ADAMTS18: variants seen among roughly 807,000 people sequenced by gnomAD.
ADAMTS18 encodes A disintegrin and metalloproteinase with thrombospondin motifs 18.
ADAMTS18 carries 157 observed loss-of-function variants against 165.9 expected under a neutral mutation model. The observed-to-expected ratio is 0.95, with a 90% CI of 0.83 to 1.08. The LOEUF (loss-of-function observed/expected upper bound fraction) is 1.08, where lower values mean the gene tolerates loss of function less well. ADAMTS18 is among the 50% of genes least tolerant of loss of function. The probability of loss-of-function intolerance (pLI) is 0.00; values close to 1 mark genes in which losing one functional copy is unlikely to be tolerated. For missense variants in ADAMTS18, 2,040 were observed against 1,534.0 expected, an observed-to-expected ratio of 1.33 and a Z score of -5.51; for synonymous variants, 782 against 578.2, an observed-to-expected ratio of 1.35 and a Z score of -5.06.
In ADAMTS18 at chr16:77,400,408, C is replaced by T. The variant is rs8047924; in HGVS notation, c.495+30887G>A. Among the ~76,000 whole-genome samples, 1,312 of 148,854 alleles carry T rather than the reference C, an allele frequency of 8.8e-3. 15 individuals are homozygous for T. Among genetic ancestry groups the T allele is most frequent in the African/African-American group, 0.031 (1,238 of 39,814 alleles). On this transcript the variant is annotated intron_variant, in intron 3 of 22. Coordinates refer to ENST00000282849, the MANE Select transcript of ADAMTS18 (RefSeq NM_199355.4). ...ATGGAGGGTAGAACCCAGTGAACATCCTATTTCAGGGGGAATTGTGTGTGT... is the reference window on the plus strand; with the variant it reads ...ATGGAGGGTAGAACCCAGTGAACATTCTATTTCAGGGGGAATTGTGTGTGT...
chr16:77,320,336 T>C (rs2055972959), intron 15 of ADAMTS18, among the ~76,000 whole-genome samples: 1 of 152,052 alleles, frequency 6.6e-6, no homozygotes, highest in African/African-American at 2.4e-5. Context: ...GGAGAACAAA[T>C]ACACTCTTCT....
chr16:77,395,774 G>C (rs1244619925), intron 3 of ADAMTS18, among the ~76,000 whole-genome samples: 2 of 152,086 alleles, frequency 1.3e-5, no homozygotes, highest in Admixed American at 6.6e-5. Context: ...TGAAAGGATG[G>C]AAATAGACAA....
At position 77,285,463 on chromosome 16, in the gene ADAMTS18, C is replaced by T. The variant is rs565250241; in HGVS notation, c.3551-1392G>A. Among the ~76,000 whole-genome samples the T allele has an allele frequency of 3.0e-5, 4 of 135,332 alleles. No individual in the cohort carries two copies. In the South Asian group the frequency reaches 9.0e-4, roughly 30 times the overall value. The allele number at this position is 135,332 out of a possible 152,430, so 88.8% of individuals were successfully genotyped here. On this transcript the variant is annotated intron_variant, in intron 22 of 22. Coordinates refer to ENST00000282849, the MANE Select transcript of ADAMTS18 (RefSeq NM_199355.4). ...GCTGGAATTACAGGTGTGAGGCACA[C>T]CCCCGGCCATTTTACTGTATTTTTA...
intron 17 of ADAMTS18, 124 bp from the exon 18 acceptor site, chr16:77,297,539 T>C: frequency 1.0e-6 from 1 of 990,148 alleles, no homozygotes; most frequent in Non-Finnish European, 1.5e-6. Flanking sequence ...CCAAATATTT[T>C]GTGGAACGCT....
chr16:77,296,140 C>A (rs1001746699), intron 18 of ADAMTS18, among the ~76,000 whole-genome samples: 5 of 152,104 alleles, frequency 3.3e-5, no homozygotes, highest in African/African-American at 7.2e-5. Context: ...GAATGCAACA[C>A]TGCTTTAGAA....
intron 16 of ADAMTS18, among the ~76,000 whole-genome samples, chr16:77,310,819 G>A (rs963261153): frequency 6.6e-6 from 1 of 151,938 alleles, no homozygotes; most frequent in African/African-American, 2.4e-5. Flanking sequence ...TGGAGACGGG[G>A]GTTTTTTCAT....
intron 8 of ADAMTS18, among the ~76,000 whole-genome samples, chr16:77,357,399 G>A (rs973410981): frequency 5.3e-5 from 8 of 152,148 alleles, no homozygotes; most frequent in Non-Finnish European, 7.4e-5. Flanking sequence ...TGTATACTCA[G>A]TGAAAGCATT....
At chr16:77,291,214 A>T (rs2144564464) in intron 21 of ADAMTS18, 52 bp downstream of exon 21, 1 of 1,600,188 alleles carries the variant, frequency 6.2e-7, no homozygotes, top group East Asian at 2.2e-5. Context: ...AGAACGCCTC[A>T]TTTTTCGACA....
At chr16:77,413,265 T>G (rs1399949056) in intron 3 of ADAMTS18, among the ~76,000 whole-genome samples, 1 of 152,100 alleles carries the variant, frequency 6.6e-6, no homozygotes, top group Non-Finnish European at 1.5e-5. Flanking sequence ...TTTTTGGGCC[T>G]AAGGAAACCA....
At position 77,300,327 on chromosome 16, in the gene ADAMTS18, G is replaced by C. The variant is rs771947586; in HGVS notation, c.2610C>G (p.Ala870=). The stretch of plus-strand genomic sequence containing the variant: ...TCCAGGTATAGGCAGGTCTTTTTGT[G>C]GCTGGTGGAGTTCCATTCATGACCT... ...LPKVMNGTPP[A]TKRPAYTWSI... is the part of the protein sequence containing the mutation. Residue 870 remains alanine (A), a synonymous_variant, in exon 17 of 23, where the codon GCC becomes GCG. Coordinates refer to ENST00000282849, the MANE Select transcript of ADAMTS18 (RefSeq NM_199355.4). 6.2e-7 allele frequency: 1 copy of C among 1,614,020 alleles called. No homozygotes were observed. The highest frequency in any genetic ancestry group is 1.3e-5 in the African/African-American group (1 of 75,018).
chr16:77,342,185 G>A (rs1044234439), intron 10 of ADAMTS18, among the ~76,000 whole-genome samples: 6 of 152,148 alleles, frequency 3.9e-5, no homozygotes, highest in Non-Finnish European at 8.8e-5. Context: ...CTGGTTTCAT[G>A]CCCTATGGAC....
At chr16:77,426,333 G>A (rs2057672293) in intron 3 of ADAMTS18, among the ~76,000 whole-genome samples, 2 of 152,128 alleles carry the variant, frequency 1.3e-5, no homozygotes, top group South Asian at 4.1e-4. Context: ...AAACTGTGAA[G>A]AGATGCTCCT....
chr16:77,406,657 C>T (rs1265906738), intron 3 of ADAMTS18, among the ~76,000 whole-genome samples: 1 of 152,064 alleles, frequency 6.6e-6, no homozygotes, highest in African/African-American at 2.4e-5. Context: ...GACACACGCA[C>T]TCATATGTTC....
rs113746494 is a variant in ADAMTS18, at chr16:77,367,565, G to T, written c.654C>A (p.Pro218=). 2.4e-5 allele frequency: 39 copies of T among 1,614,082 alleles called. No individual in the cohort carries two copies. The highest frequency in any genetic ancestry group is 3.1e-5 in the Non-Finnish European group (37 of 1,180,042). Residue 218 remains proline, a synonymous_variant, in exon 4 of 23, where the codon CCC becomes CCA. Transcript: ENST00000282849. ...AACCAGGATAATTCCGGCCAGAGCCGGGGTAGCCACGGTACCGCTGGATCT... is the reference window on the plus strand; with the variant it reads ...AACCAGGATAATTCCGGCCAGAGCCTGGGTAGCCACGGTACCGCTGGATCT... The part of the protein sequence containing the change: ...EEKIQRYRGY[P]GSGRNYPGYS...
At chr16:77,297,788 A>G (rs908456374) in intron 17 of ADAMTS18, among the ~76,000 whole-genome samples, 2 of 152,034 alleles carry the variant, frequency 1.3e-5, no homozygotes, top group Non-Finnish European at 2.9e-5. Context: ...TGAGTTATAT[A>G]TGGAAACCCT....
chr16:77,394,276 G>A (rs929429717), intron 3 of ADAMTS18, among the ~76,000 whole-genome samples: 7 of 152,152 alleles, frequency 4.6e-5, no homozygotes, highest in African/African-American at 7.2e-5. Context: ...GAGACAGCTG[G>A]TGGTCATAGA....
chr16:77,395,472 T>A (rs2057244506), intron 3 of ADAMTS18, among the ~76,000 whole-genome samples: 1 of 152,210 alleles, frequency 6.6e-6, no homozygotes, highest in South Asian at 2.1e-4. Context: ...TGAGGTTTCC[T>A]CTCTGCCTAG....
At chr16:77,313,759 G>T (rs1362056558) in intron 16 of ADAMTS18, among the ~76,000 whole-genome samples, 2 of 152,090 alleles carry the variant, frequency 1.3e-5, no homozygotes, top group African/African-American at 4.8e-5. Context: ...TGGATCGAAG[G>T]CCTCTTGGCA....
chr16:77,300,010 T>C lies in ADAMTS18; in HGVS notation c.2674+253A>G, dbSNP rs549973701. 8 of 379,734 alleles carry C rather than the reference T, an allele frequency of 2.1e-5. No homozygotes were observed. In the South Asian group the frequency reaches 2.6e-4, roughly 12 times the overall value. The allele number at this position is 379,734 out of a possible 1,614,324, so 23.5% of individuals were successfully genotyped here. A position where few individuals can be genotyped will look rare whatever the true frequency, so the allele number is the denominator to read the frequency against. ...TAAATAATTCAATATATTTTATATG[T>C]TTTTCCCATAAGTTTTAGATGTGTA... is the stretch of plus-strand genomic sequence containing the variant. On this transcript the variant is annotated intron_variant, in intron 17 of 22. Transcript: ENST00000282849.
Sources: gnomAD v4.1 joint callset for allele counts (sites outside exome capture counted in the v4.1 genomes callset) on GRCh38, gnomAD v4.1.1 for gene constraint, MANE v1.5 for transcripts, NCBI Gene and HGNC (gene_info 2026-07-23, HGNC 2026-07-21) for gene names.